The following KYNU variants were observed in gnomAD, a reference collection of about 807,000 sequenced individuals.
KYNU encodes L-kynurenine hydrolase.
In KYNU, 54 loss-of-function variants were observed where a neutral mutation model predicts 59.2. That is an observed-to-expected ratio of 0.91 (90% CI 0.73 to 1.14). KYNU has a LOEUF of 1.14. Ranked by LOEUF, KYNU falls within the 50% of genes most tolerant of loss-of-function variation. KYNU has a pLI of 0.00. For missense variants in KYNU, 567 were observed against 554.4 expected, an observed-to-expected ratio of 1.02 and a Z score of -0.23; for synonymous variants, 177 against 192.0, an observed-to-expected ratio of 0.92 and a Z score of 0.65.
chr2:142,985,513 A>G (rs1685172820), intron 9 of KYNU, among the ~76,000 whole-genome samples: 1 of 151,922 alleles, frequency 6.6e-6, no homozygotes, highest in Non-Finnish European at 1.5e-5. Context: ...TTCTGCATAT[A>G]TAAAGATAAT....
intron 2 of KYNU, among the ~76,000 whole-genome samples, chr2:142,905,804 T>C (rs1192143119): frequency 2.6e-5 from 4 of 152,222 alleles, no homozygotes; most frequent in Non-Finnish European, 5.9e-5. Flanking sequence ...CTACAGGTTG[T>C]CAGTGGTCTC....
At chr2:142,938,507 G>T (rs1683468540) in intron 4 of KYNU, among the ~76,000 whole-genome samples, 2 of 152,326 alleles carry the variant, frequency 1.3e-5, no homozygotes, top group South Asian at 2.1e-4. Flanking sequence ...TTTGAGCAGG[G>T]TTTGAACAGT....
At chr2:142,987,417 T>C (rs796742769) in intron 10 of KYNU, among the ~76,000 whole-genome samples, 1 of 151,962 alleles carries the variant, frequency 6.6e-6, no homozygotes, top group South Asian at 2.1e-4. Context: ...TACTTGAGAT[T>C]TCTCTCAGCA....
In KYNU at chr2:143,042,622, A is replaced by ATG. The variant is rs1687090528; in HGVS notation, c.*451_*452insGT. On this transcript the variant is annotated 3_prime_UTR_variant, in exon 14 of 14. Transcript: ENST00000264170. Reference sequence around the variant, plus strand: ...TATATATATATATATATATATATATATATATATATGTGTGTGTGTGTGTGT... The same window carrying ATG: ...TATATATATATATATATATATATATATGTATATATATGTGTGTGTGTGTGTGT... 2 of 124,232 alleles carry ATG rather than the reference A, an allele frequency of 1.6e-5. No individual in the cohort carries two copies. The highest frequency in any genetic ancestry group is 7.0e-5 in the African/African-American group (2 of 28,454). The allele number at this position is 124,232 out of a possible 1,614,324, so 7.7% of individuals were successfully genotyped here. A position where few individuals can be genotyped will look rare whatever the true frequency, so the allele number is the denominator to read the frequency against.
intron 10 of KYNU, among the ~76,000 whole-genome samples, chr2:143,004,152 G>A (rs1317439827): frequency 6.6e-6 from 1 of 152,154 alleles, no homozygotes; most frequent in African/African-American, 2.4e-5. Flanking sequence ...CAACTGTAAG[G>A]TTTAAGATGA....
intron 8 of KYNU, among the ~76,000 whole-genome samples, chr2:142,982,204 T>C (rs1287163762): frequency 6.6e-6 from 1 of 152,108 alleles, no homozygotes; most frequent in Non-Finnish European, 1.5e-5. Context: ...GGTAAACTAA[T>C]CGTACACATA....
At chr2:142,985,275 G>T in intron 9 of KYNU, 93 bp downstream of exon 9, 2 of 788,914 alleles carry the variant, frequency 2.5e-6, no homozygotes, top group Middle Eastern at 4.5e-4. Flanking sequence ...TTAAAGATTT[G>T]AGTTACTTTC....
chr2:142,986,529 C>T (rs1264495805), intron 10 of KYNU, among the ~76,000 whole-genome samples: 7 of 151,872 alleles, frequency 4.6e-5, no homozygotes, highest in African/African-American at 1.4e-4. Flanking sequence ...AAGCTGAACA[C>T]TGAACAACAG....
chr2:143,002,098 C>T (rs1004769698), intron 10 of KYNU, among the ~76,000 whole-genome samples: 4 of 152,074 alleles, frequency 2.6e-5, no homozygotes, highest in South Asian at 2.1e-4. Context: ...TTAGAATCTT[C>T]GGTGGAGCTG....
chr2:142,952,226 C>G (rs1684014752), intron 4 of KYNU, among the ~76,000 whole-genome samples: 1 of 152,048 alleles, frequency 6.6e-6, no homozygotes, highest in Non-Finnish European at 1.5e-5. Flanking sequence ...CAGGCATGCA[C>G]CACCACATCC....
In KYNU at chr2:142,952,604, T is replaced by C. The variant is rs551376351; in HGVS notation, c.374-2206T>C. On this transcript the variant is annotated intron_variant, in intron 4 of 13. Coordinates refer to ENST00000264170, the MANE Select transcript of KYNU (RefSeq NM_003937.3). ...GGAGCATGCCACTACACCTGACTAA[T>C]TTTTAAAAACTGTTTGCAGAGACAG... Among the ~76,000 whole-genome samples the C allele has an allele frequency of 1.6e-3, 242 of 151,928 alleles. 1 individual carries two copies. The South Asian group carries it at 0.018, about 11-fold the overall frequency.
At chr2:142,907,073 T>C (rs944602955) in intron 2 of KYNU, among the ~76,000 whole-genome samples, 61 of 152,216 alleles carry the variant, frequency 4.0e-4, no homozygotes, top group African/African-American at 1.3e-3. Context: ...CAAGCAAAAG[T>C]GGTCTGATAT....
At chr2:142,922,373 C>T (rs573373514) in intron 3 of KYNU, among the ~76,000 whole-genome samples, 1 of 152,126 alleles carries the variant, frequency 6.6e-6, no homozygotes, top group African/African-American at 2.4e-5. Context: ...GATGTAGTGG[C>T]ACATGCCTGT....
chr2:143,026,965 T>C (rs1686592781), intron 10 of KYNU, among the ~76,000 whole-genome samples: 1 of 152,126 alleles, frequency 6.6e-6, no homozygotes, highest in Admixed American at 6.5e-5. Context: ...CTGGGATTAA[T>C]ATAGGCACAG....
intron 4 of KYNU, among the ~76,000 whole-genome samples, chr2:142,951,102 A>T (rs1299724390): frequency 6.6e-6 from 1 of 152,254 alleles, no homozygotes; most frequent in Non-Finnish European, 1.5e-5. Context: ...ATCAAAGATC[A>T]TTGATCACGG....
intron 1 of KYNU, among the ~76,000 whole-genome samples, chr2:142,884,577 A>G (rs892560085): frequency 1.3e-5 from 2 of 152,112 alleles, no homozygotes; most frequent in Non-Finnish European, 2.9e-5. Context: ...TTTCTAGATA[A>G]TAAGAATGGA....
At chr2:142,958,380 A>G (rs1208581505) in intron 7 of KYNU, among the ~76,000 whole-genome samples, 1 of 152,228 alleles carries the variant, frequency 6.6e-6, no homozygotes, top group Admixed American at 6.5e-5. Flanking sequence ...AATAGAGATA[A>G]AAGGCTCACA....
rs1682762300 is a variant in KYNU at position 142,918,678 on chromosome 2, C to CA, written c.244dup (p.Met82AsnfsTer3). On this transcript the variant is annotated frameshift_variant, in exon 3 of 14. Coordinates refer to ENST00000264170, the MANE Select transcript of KYNU (RefSeq NM_003937.3). LOFTEE classifies it high-confidence loss of function. Reference sequence around the variant, plus strand: ...TTGGGAAATTCTCTTGGCCTTCAACCAAAAATGGTTAAAACATATCTTGAA... The same window carrying CA: ...TTGGGAAATTCTCTTGGCCTTCAACCAAAAAATGGTTAAAACATATCTTGAA... The CA allele has an allele frequency of 6.2e-7, 1 of 1,610,624 alleles. No individual in the cohort carries two copies. Among genetic ancestry groups the CA allele is most frequent in the African/African-American group, 1.3e-5 (1 of 74,638 alleles).
In KYNU at chr2:142,909,606, A is replaced by T. The variant is rs36102969; in HGVS notation, c.170-9003A>T. Among the ~76,000 whole-genome samples, 432 of 152,330 alleles carry T rather than the reference A, an allele frequency of 2.8e-3. 4 individuals carry two copies. Among genetic ancestry groups the T allele is most frequent in the Non-Finnish European group, 4.5e-3 (303 of 68,028 alleles). ...ATTTAAGATAATGGCCTCTGGCTGCATCCATGTTGTTGAAAATGACATGAT... is the reference window on the plus strand; with the variant it reads ...ATTTAAGATAATGGCCTCTGGCTGCTTCCATGTTGTTGAAAATGACATGAT... On this transcript the variant is annotated intron_variant, in intron 2 of 13. Coordinates refer to ENST00000264170, the MANE Select transcript of KYNU (RefSeq NM_003937.3).
Sources: gnomAD v4.1 joint callset for allele counts (sites outside exome capture counted in the v4.1 genomes callset) on GRCh38, gnomAD v4.1.1 for gene constraint, MANE v1.5 for transcripts, NCBI Gene and HGNC (gene_info 2026-07-23, HGNC 2026-07-21) for gene names.